HSPG2: variants seen among roughly 807,000 people sequenced by gnomAD.
HSPG2 encodes the protein heparan sulfate proteoglycan 2.
A neutral mutation model predicts 526.6 loss-of-function variants in HSPG2; 278 were observed. The ratio of observed to expected loss-of-function variants is 0.53; its 90% CI spans 0.48 to 0.58. The LOEUF is 0.58. Among genes scored for constraint, HSPG2 ranks in the 20% least tolerant of loss-of-function variants. HSPG2 has a pLI of 0.00. For synonymous variants in HSPG2, 2,465 were observed against 2,555.4 expected, an observed-to-expected ratio of 0.96 and a Z score of 1.07; for missense variants, 5,354 against 6,099.5, an observed-to-expected ratio of 0.88 and a Z score of 4.07.
intron 44 of HSPG2, among the ~76,000 whole-genome samples, chr1:21,856,511 G>A (rs1335270023): frequency 1.4e-5 from 2 of 146,888 alleles, no homozygotes; most frequent in South Asian, 2.3e-4. Flanking sequence ...TAAGCCTCCC[G>A]GGTTCAAGCG....
chr1:21,843,344 G>A lies in HSPG2; in HGVS notation c.8711C>T (p.Ala2904Val), dbSNP rs372570791. The A allele has an allele frequency of 4.0e-5, 64 of 1,613,988 alleles. No homozygotes were observed. Among genetic ancestry groups the A allele is most frequent in the Admixed American group, 5.0e-5 (3 of 60,004 alleles). ...GGGCTCAATTGTGACCAGGACAGAT[G>A]CCTCCAGGGTGCCTGAGCTTCCGGT... ...QVTGSSGTLEASVLVTIEPSS... is the reference protein window; with the variant it reads ...QVTGSSGTLEVSVLVTIEPSS... The change falls in exon 66 of 97, where the codon GCA (alanine) becomes GTA (valine). Residue 2904 changes from alanine to valine, a missense_variant. By Grantham distance (64) the Ala-to-Val change is moderately conservative. Coordinates refer to ENST00000374695, the MANE Select transcript of HSPG2 (RefSeq NM_005529.7).
chr1:21,869,758 A>G (rs1005728036), intron 33 of HSPG2: 1 of 983,364 alleles, frequency 1.0e-6, no homozygotes, highest in Non-Finnish European at 1.2e-6. Flanking sequence ...CCAGCCAGCC[A>G]CCCGCTCTGC....
intron 33 of HSPG2, among the ~76,000 whole-genome samples, chr1:21,866,812 G>A (rs1426979006): frequency 6.6e-6 from 1 of 152,170 alleles, no homozygotes; most frequent in South Asian, 2.1e-4. Flanking sequence ...GTTCATTTGT[G>A]TGTTCACTCA....
At chr1:21,875,497 C>T in intron 25 of HSPG2, 132 bp downstream of exon 25, 1 of 755,490 alleles carries the variant, frequency 1.3e-6, no homozygotes, top group South Asian at 1.4e-5. Context: ...TGTTAAGACT[C>T]TCCGTTTTAC....
At chr1:21,855,088 T>G (rs1639230003) in intron 47 of HSPG2, 105 bp from the exon 48 acceptor site, 16 of 1,428,592 alleles carry the variant, frequency 1.1e-5, no homozygotes, top group Admixed American at 1.8e-5. Context: ...GGGCCAATAT[T>G]AGGGCCCAGT....
Position 21,854,216 on chromosome 1 carries a change from T to C in HSPG2, c.6416A>G (p.His2139Arg). The C allele has an allele frequency of 6.3e-7, 1 of 1,594,346 alleles. No homozygotes were observed. ...SITVSVLHGT[H>R]SGPSYTPVPG... ...ACCTGGGGTGTAGCTGGGGCCAGAA[T>C]GGGTGCCGTGGAGCACAGACACAGT... is the stretch of plus-strand genomic sequence containing the variant. The change falls in exon 50 of 97, where the codon CAT (histidine) becomes CGT (arginine). Residue 2139 changes from histidine to arginine, a missense_variant. Transcript: ENST00000374695.
In HSPG2 at chr1:21,874,703, C is replaced by A; in HGVS notation, c.3441G>T (p.Thr1147=). 4.4e-6 allele frequency: 7 copies of A among 1,608,438 alleles called. No individual in the cohort carries two copies. The highest frequency in any genetic ancestry group is 1.7e-5 in the Admixed American group (1 of 59,226). Residue 1147 remains threonine (T), a synonymous_variant, in exon 27 of 97, where the codon ACG becomes ACT. Transcript: ENST00000374695. ...CQDCDTGYTR[T]PSGLYLGTCE... is the part of the protein sequence containing the mutation. ...AGGTACCCAGGTAGAGGCCACTGGGCGTGCGTGTGTAGCCTGTGTCACAGT... is the reference window on the plus strand; with the variant it reads ...AGGTACCCAGGTAGAGGCCACTGGGAGTGCGTGTGTAGCCTGTGTCACAGT...
In HSPG2 at chr1:21,836,829, C is replaced by G. The variant is rs866428334; in HGVS notation, c.10328G>C (p.Gly3443Ala). 1.3e-6 allele frequency: 2 copies of G among 1,574,528 alleles called. No homozygotes were observed. The highest frequency in any genetic ancestry group is 1.3e-5 in the African/African-American group (1 of 74,266). The change falls in exon 75 of 97, where the codon GGT becomes GCT. Residue 3443 changes from glycine (G) to alanine (A), a missense_variant. Physicochemically the swap from Gly to Ala is moderately conservative, Grantham distance 60. Transcript: ENST00000374695. ...WFKEGGQLPP[G>A]HSVQDGVLRI... ...GAGCACCCCATCCTGCACGCTGTGACCCGGAGGCAGCTGACCCCCTTCCTT... is the reference window on the plus strand; with the variant it reads ...GAGCACCCCATCCTGCACGCTGTGAGCCGGAGGCAGCTGACCCCCTTCCTT...
intron 63 of HSPG2, 69 bp downstream of exon 63, chr1:21,846,379 C>A (rs1638437232): frequency 1.2e-6 from 2 of 1,610,984 alleles, no homozygotes; most frequent in Non-Finnish European, 1.7e-6. Flanking sequence ...CCTAGGTCTC[C>A]CTCTTGGCAA....
At position 21,834,935 on chromosome 1, in the gene HSPG2, C is replaced by T. The variant is rs139359384; in HGVS notation, c.10464G>A (p.Ser3488=). Residue 3488 remains serine, a synonymous_variant, in exon 77 of 97, where the codon TCG becomes TCA. Coordinates refer to ENST00000374695, the MANE Select transcript of HSPG2 (RefSeq NM_005529.7). The part of the protein sequence containing the change: ...SAQLVIQALP[S]VLINIRTSVQ... ...CAGAGGTCCGGATGTTGATGAGCAC[C>T]GAGGGCAGGGCTGGGGAGGAGGGAG... 3.8e-5 allele frequency: 62 copies of T among 1,612,248 alleles called. No homozygotes were observed. Among genetic ancestry groups the T allele is most frequent in the African/African-American group, 1.9e-4 (14 of 74,900 alleles).
At chr1:21,913,780 T>C (rs1045360723) in intron 1 of HSPG2, among the ~76,000 whole-genome samples, 3 of 152,230 alleles carry the variant, frequency 2.0e-5, no homozygotes, top group Non-Finnish European at 4.4e-5. Flanking sequence ...CATACGTGGA[T>C]TCTGAGTCCC....
In HSPG2 at chr1:21,842,647, C is replaced by T; in HGVS notation, c.8910+123G>A. The T allele has an allele frequency of 3.0e-6, 4 of 1,327,114 alleles. No individual in the cohort carries two copies. In the South Asian group the frequency reaches 5.0e-5, roughly 17 times the overall value. 82.2% of individuals were successfully genotyped at this position (1,327,114 alleles called of 1,614,324 possible). A position where few individuals can be genotyped will look rare whatever the true frequency, so the allele number is the denominator to read the frequency against. On this transcript the variant is annotated intron_variant, in intron 67 of 96. Coordinates refer to ENST00000374695, the MANE Select transcript of HSPG2 (RefSeq NM_005529.7). ...TTTGCAGGCTGGTGAACTCGTCCCG[C>T]AAACGTATTTTATCCCCTGGGGTCC... is the stretch of plus-strand genomic sequence containing the variant.
Position 21,824,868 on chromosome 1 carries a change from C to T in HSPG2, c.12590-89G>A, listed in dbSNP as rs2097965366. 1 of 1,212,496 alleles carries T rather than the reference C, an allele frequency of 8.2e-7. No individual in the cohort carries two copies. Among genetic ancestry groups the T allele is most frequent in the African/African-American group, 1.5e-5 (1 of 66,582 alleles). 75.1% of individuals were successfully genotyped at this position (1,212,496 alleles called of 1,614,324 possible). A position where few individuals can be genotyped will look rare whatever the true frequency, so the allele number is the denominator to read the frequency against. ...CCCCTGACCCCCACCTCCACGCCAA[C>T]ATGCAGGACTAGGGGGCTCCGAGCC... On this transcript the variant is annotated intron_variant, in intron 91 of 96. Transcript: ENST00000374695. This position sits in a 1 kb window ranked among gnomAD's most constrained non-coding sequence, Gnocchi z 5.9.
In HSPG2 at chr1:21,838,915, G is replaced by A. The variant is rs764888057; in HGVS notation, c.10060C>T (p.Arg3354Cys). 16 of 1,611,832 alleles carry A rather than the reference G, an allele frequency of 9.9e-6. No individual in the cohort carries two copies. In the South Asian group the frequency reaches 1.2e-4, roughly 12 times the overall value. The change falls in exon 74 of 97, where the codon CGT (arginine) becomes TGT (cysteine). Residue 3354 changes from arginine (R) to cysteine (C), a missense_variant. Physicochemically the swap from Arg to Cys is radical, Grantham distance 180 (BLOSUM62 -3). Transcript: ENST00000374695. ...TARNELLHFE[R>C]AAPEDSGRYR... ...CGGCCTGAGTCCTCAGGGGCTGCAC[G>A]CTCAAAGTGCAGCAGCTCGTTCCTG...
intron 1 of HSPG2, among the ~76,000 whole-genome samples, chr1:21,916,387 G>A (rs2152793584): frequency 6.6e-6 from 1 of 152,052 alleles, no homozygotes; most frequent in East Asian, 1.9e-4. Context: ...CACCTGTAGT[G>A]CCAGATACTC....
chr1:21,908,330 A>C, intron 1 of HSPG2: 1 of 1,033,370 alleles, frequency 9.7e-7, no homozygotes, highest in Non-Finnish European at 1.5e-6. Context: ...GTTGTAAACA[A>C]ACAAGTTAAG....
In HSPG2 at chr1:21,833,261, T is replaced by C; in HGVS notation, c.11095+7A>G. The C allele has an allele frequency of 1.2e-6, 2 of 1,612,034 alleles. No homozygotes were observed. Among genetic ancestry groups the C allele is most frequent in the Non-Finnish European group, 1.7e-6 (2 of 1,178,096 alleles). On this transcript the variant is annotated splice_region_variant and intron_variant, in intron 80 of 96. Coordinates refer to ENST00000374695, the MANE Select transcript of HSPG2 (RefSeq NM_005529.7). ...AGCCCACCCCGCAAATTAACCCTCC[T>C]GCTCACCATCGGCTGAGTCGGGCCG... is the stretch of plus-strand genomic sequence containing the variant.
intron 1 of HSPG2, among the ~76,000 whole-genome samples, chr1:21,911,700 C>A (rs1271138583): frequency 4.3e-4 from 65 of 152,124 alleles, no homozygotes; most frequent in Non-Finnish European, 1.5e-5. Context: ...GGGAGGGAGT[C>A]CTGAAGAGGC....
intron 21 of HSPG2, 135 bp from the exon 22 acceptor site, chr1:21,876,787 G>C: frequency 8.5e-7 from 1 of 1,170,180 alleles, no homozygotes; most frequent in Non-Finnish European, 1.2e-6. Context: ...GGCTGGGCGC[G>C]GTGGCTCACG....
Sources: gnomAD v4.1 joint callset for allele counts (sites outside exome capture counted in the v4.1 genomes callset) on GRCh38, gnomAD v4.1.1 for gene constraint, Gnocchi (gnomAD v3.1) non-coding constraint, MANE v1.5 for transcripts, NCBI Gene and HGNC (gene_info 2026-07-23, HGNC 2026-07-21) for gene names.